Variants in VRK2 observed in about 807,000 individuals in gnomAD.
VRK2 encodes the protein serine/threonine-protein kinase VRK2.
Under a neutral mutation model 57.6 loss-of-function variants are expected in VRK2, and 60 were observed. That is an observed-to-expected ratio of 1.04 (90% CI 0.85 to 1.29). The LOEUF is 1.29. VRK2 is among the 50% of genes most tolerant of loss of function. The pLI is 0.00. For synonymous variants in VRK2, 231 were observed against 199.2 expected, an observed-to-expected ratio of 1.16 and a Z score of -1.35; for missense variants, 705 against 588.1, an observed-to-expected ratio of 1.20 and a Z score of -2.06.
At chr2:57,981,563 A>T (rs1263968384) in intron 1 of VRK2, among the ~76,000 whole-genome samples, 2 of 152,128 alleles carry the variant, frequency 1.3e-5, no homozygotes, top group East Asian at 3.8e-4. Context: ...CCTGAATTTT[A>T]TGATTTGCAT....
At chr2:58,086,288 G>A in intron 4 of VRK2, 51 bp from the exon 5 acceptor site, 1 of 1,485,276 alleles carries the variant, frequency 6.7e-7, no homozygotes, top group Non-Finnish European at 9.2e-7. Context: ...AAGGTGACAA[G>A]TATCTTTTCA....
chr2:58,128,289 A>T (rs1678659118), intron 8 of VRK2, among the ~76,000 whole-genome samples: 1 of 152,172 alleles, frequency 6.6e-6, no homozygotes, highest in African/African-American at 2.4e-5. Flanking sequence ...CCTGTGTGTA[A>T]TGTTGTTTGA....
At chr2:57,910,643 A>G (rs1669960041) in intron 1 of VRK2, among the ~76,000 whole-genome samples, 1 of 152,144 alleles carries the variant, frequency 6.6e-6, no homozygotes, top group South Asian at 2.1e-4. Flanking sequence ...GACTGAGGGA[A>G]AGATTAAAGG....
chr2:57,982,323 C>T (rs1483848327), intron 1 of VRK2, among the ~76,000 whole-genome samples: 2 of 152,182 alleles, frequency 1.3e-5, no homozygotes, highest in African/African-American at 4.8e-5. Context: ...GGCAAAAGTG[C>T]TCTGGGCGGA....
chr2:57,920,066 A>G (rs1471076100), intron 1 of VRK2, among the ~76,000 whole-genome samples: 1 of 152,136 alleles, frequency 6.6e-6, no homozygotes, highest in African/African-American at 2.4e-5. Flanking sequence ...TGGTGTTGAG[A>G]ATCTATCATG....
intron 1 of VRK2, among the ~76,000 whole-genome samples, chr2:57,961,060 G>C (rs1671742762): frequency 6.6e-6 from 1 of 152,196 alleles, no homozygotes; most frequent in South Asian, 2.1e-4. Context: ...CGTCATCAAA[G>C]AGTTTACTTC....
In VRK2 at chr2:58,116,760, G is replaced by C. The variant is rs1326508877; in HGVS notation, c.544-6341G>C. On this transcript the variant is annotated intron_variant, in intron 7 of 12. Coordinates refer to ENST00000340157, the MANE Select transcript of VRK2 (RefSeq NM_006296.7). The stretch of plus-strand genomic sequence containing the variant: ...CCAGGGGCTCTGGGAGTGGCTGCCA[G>C]GTGAGTTGAACAGTCCGATTTCCCA... Among the ~76,000 whole-genome samples the C allele has an allele frequency of 2.0e-5, 3 of 152,188 alleles. No homozygotes were observed. In the East Asian group the frequency reaches 5.8e-4, roughly 29 times the overall value.
chr2:57,941,226 A>G (rs1238441052), intron 1 of VRK2, among the ~76,000 whole-genome samples: 1 of 152,190 alleles, frequency 6.6e-6, no homozygotes, highest in Non-Finnish European at 1.5e-5. Flanking sequence ...TACTAAATGA[A>G]GCACACAGTG....
intron 1 of VRK2, among the ~76,000 whole-genome samples, chr2:57,922,805 G>C (rs565831660): frequency 6.6e-6 from 1 of 151,684 alleles, no homozygotes; most frequent in East Asian, 1.9e-4. Context: ...TCGATTATAG[G>C]TACCCTGTTA....
chr2:58,036,131 T>C (rs1674266229), intron 3 of VRK2, among the ~76,000 whole-genome samples: 1 of 152,030 alleles, frequency 6.6e-6, no homozygotes, highest in Non-Finnish European at 1.5e-5. Context: ...ATTAATTTTA[T>C]CTAATTGCTT....
At chr2:58,144,473 TG>T (rs1681818154) in intron 11 of VRK2, among the ~76,000 whole-genome samples, 1 of 152,066 alleles carries the variant, frequency 6.6e-6, no homozygotes, top group Non-Finnish European at 1.5e-5. Flanking sequence ...AATGTATACA[TG>T]TATCAAAACA....
At chr2:57,973,811 G>A (rs1373848260) in intron 1 of VRK2, among the ~76,000 whole-genome samples, 1 of 151,582 alleles carries the variant, frequency 6.6e-6, no homozygotes, top group African/African-American at 2.4e-5. Context: ...AGTCTCAGAG[G>A]AACCTCTGCG....
upstream of VRK2, among the ~76,000 whole-genome samples, chr2:58,043,843 TAA>T (rs1572822459): frequency 6.6e-6 from 1 of 152,240 alleles, no homozygotes; most frequent in Non-Finnish European, 1.5e-5. Flanking sequence ...AACAGCAATA[TAA>T]GAGAGTTCCA....
chr2:58,006,165 G>T (rs1572769928), intron 1 of VRK2, among the ~76,000 whole-genome samples: 1 of 152,188 alleles, frequency 6.6e-6, no homozygotes, highest in African/African-American at 2.4e-5. Flanking sequence ...GGGGACATGT[G>T]TGGAAACTGG....
chr2:58,107,047 A>T (rs991338424), intron 7 of VRK2, among the ~76,000 whole-genome samples: 14 of 152,258 alleles, frequency 9.2e-5, no homozygotes, highest in Non-Finnish European at 1.6e-4. Context: ...TCCATGTTTT[A>T]ACAGATATGA....
chr2:58,053,949 T>C (rs547358194), intron 2 of VRK2, among the ~76,000 whole-genome samples: 1 of 152,242 alleles, frequency 6.6e-6, no homozygotes, highest in African/African-American at 2.4e-5. Context: ...GTATAAATAA[T>C]AGGTAATATA....
chr2:58,119,021 C>T (rs552886909), intron 7 of VRK2, among the ~76,000 whole-genome samples: 4 of 152,096 alleles, frequency 2.6e-5, no homozygotes, highest in African/African-American at 9.7e-5. Flanking sequence ...TAAGGCGGGG[C>T]AGGGCCTTTT....
chr2:58,096,464 T>C (rs1032802390), intron 7 of VRK2, among the ~76,000 whole-genome samples: 1 of 152,062 alleles, frequency 6.6e-6, no homozygotes. Context: ...TTTGAGTGTC[T>C]GTTTTAGTTG....
intron 10 of VRK2, among the ~76,000 whole-genome samples, chr2:58,137,223 TCATATGATA>T (rs1680601715): frequency 5.0e-5 from 1 of 19,884 alleles, no homozygotes; most frequent in South Asian, 1.9e-3. Context: ...TACATATATA[TCATATGATA>T]CATATATATC....
Sources: gnomAD v4.1 joint callset for allele counts (sites outside exome capture counted in the v4.1 genomes callset) on GRCh38, gnomAD v4.1.1 for gene constraint, MANE v1.5 for transcripts, NCBI Gene and HGNC (gene_info 2026-07-23, HGNC 2026-07-21) for gene names.